CNOT4: variants seen among roughly 807,000 people sequenced by gnomAD.
CNOT4 encodes the protein CCR4-associated factor 4.
Under a neutral mutation model 73.8 loss-of-function variants are expected in CNOT4, and 8 were observed. The ratio of observed to expected loss-of-function variants is 0.11; its 90% CI spans 0.06 to 0.20. CNOT4 has a LOEUF of 0.20. CNOT4 is among the 10% of genes least tolerant of loss of function. The pLI, the probability that CNOT4 is intolerant of heterozygous loss-of-function variation, is 1.00. For synonymous variants in CNOT4, 293 were observed against 321.1 expected (o/e 0.91, Z 0.94); for missense variants, 564 against 883.4 (o/e 0.64, Z 4.58).
In CNOT4 at chr7:135,410,539, A is replaced by G. The variant is rs200574367; in HGVS notation, c.797T>C (p.Val266Ala). Residue 266 changes from valine to alanine, a missense_variant, in exon 7 of 12, where the codon GTG (valine) becomes GCG (alanine). Around this residue, in one of 10 missense-constraint regions of CNOT4, gnomAD observed 135 missense variants for 154.0 expected, o/e 0.88. Transcript: ENST00000541284. ...TGSVDKNKNK[V>A]TPLQRYDTPI... ...CGTATCGTACCTCTGCAGTGGTGTCACTTTGTTCTTATTTTTATCAACTGA... is the reference window on the plus strand; with the variant it reads ...CGTATCGTACCTCTGCAGTGGTGTCGCTTTGTTCTTATTTTTATCAACTGA... The G allele has an allele frequency of 6.4e-7, 1 of 1,554,214 alleles. No individual in the cohort carries two copies. The highest frequency in any genetic ancestry group is 1.9e-5 in the Admixed American group (1 of 53,732).
intron 1 of CNOT4, among the ~76,000 whole-genome samples, chr7:135,494,675 A>G (rs868271358): frequency 6.6e-6 from 1 of 152,222 alleles, no homozygotes; most frequent in South Asian, 2.1e-4. Context: ...AACAAACAGT[A>G]TATATATTAA....
intron 1 of CNOT4, among the ~76,000 whole-genome samples, chr7:135,504,652 A>C (rs547459941): frequency 8.6e-6 from 1 of 116,614 alleles, no homozygotes; most frequent in Non-Finnish European, 1.8e-5. Context: ...ACGCCCGGCT[A>C]ATTTTTTGTA....
chr7:135,491,343 A>G (rs1803097200), intron 1 of CNOT4, among the ~76,000 whole-genome samples: 1 of 152,228 alleles, frequency 6.6e-6, no homozygotes, highest in East Asian at 1.9e-4. Flanking sequence ...GGATATTCCA[A>G]TGTTTAGAGG....
chr7:135,407,344 T>C (rs928792553), intron 7 of CNOT4, among the ~76,000 whole-genome samples: 1 of 152,222 alleles, frequency 6.6e-6, no homozygotes, highest in Non-Finnish European at 1.5e-5. Context: ...AAAGATACTT[T>C]TGGTAAATTC....
intron 1 of CNOT4, among the ~76,000 whole-genome samples, chr7:135,468,420 C>G (rs1357755645): frequency 1.3e-5 from 2 of 152,098 alleles, no homozygotes; most frequent in African/African-American, 4.8e-5. Flanking sequence ...GTGGCTCACA[C>G]CTGTAGTCCG....
intron 3 of CNOT4, 88 bp from the exon 4 acceptor site, chr7:135,415,350 G>A (rs1797807132): frequency 1.6e-6 from 1 of 636,962 alleles, no homozygotes; most frequent in African/African-American, 1.9e-5. Flanking sequence ...TCCCTCTTCA[G>A]CAAAAGGAAA....
chr7:135,417,931 T>C (rs950918442), intron 3 of CNOT4, among the ~76,000 whole-genome samples: 4 of 152,198 alleles, frequency 2.6e-5, no homozygotes, highest in African/African-American at 9.6e-5. Context: ...TGGAATGCTA[T>C]CCCTTGTGCC....
rs71174519 is a variant in CNOT4 at position 135,396,107 on chromosome 7, C to CTT, written c.880-226_880-225dup. On this transcript the variant is annotated intron_variant, in intron 8 of 11. Transcript: ENST00000541284. ...GCTTGAAAAGATTAAACTAGTCTCC[C>CTT]TTTTTTTTTTTTTTTTTTTTTTTTT... is the stretch of plus-strand genomic sequence containing the variant. Among the ~76,000 whole-genome samples the CTT allele has an allele frequency of 2.3e-3, 222 of 95,422 alleles. 19 individuals are homozygous for CTT. Among genetic ancestry groups the CTT allele is most frequent in the African/African-American group, 4.6e-3 (100 of 21,826 alleles). 62.6% of individuals were successfully genotyped at this position (95,422 alleles called of 152,430 possible).
chr7:135,365,448 T>C (rs1457135899), intron 10 of CNOT4, among the ~76,000 whole-genome samples: 1 of 152,088 alleles, frequency 6.6e-6, no homozygotes, highest in Non-Finnish European at 1.5e-5. Flanking sequence ...TACAAGGCAC[T>C]CTCATAGTCA....
intron 1 of CNOT4, among the ~76,000 whole-genome samples, chr7:135,453,014 G>C (rs1481277862): frequency 6.6e-6 from 1 of 152,136 alleles, no homozygotes; most frequent in Admixed American, 6.5e-5. Context: ...GAAAAATACA[G>C]TTTTATTTGG....
At chr7:135,498,846 G>A (rs1451673318) in intron 1 of CNOT4, among the ~76,000 whole-genome samples, 1 of 152,038 alleles carries the variant, frequency 6.6e-6, no homozygotes, top group East Asian at 1.9e-4. Context: ...TTACTTTTTG[G>A]AAGCAAAATT....
At chr7:135,491,085 T>G (rs1481237269) in intron 1 of CNOT4, among the ~76,000 whole-genome samples, 1 of 152,208 alleles carries the variant, frequency 6.6e-6, no homozygotes, top group Non-Finnish European at 1.5e-5. Flanking sequence ...AGGAAGGCTA[T>G]GTGGACAGAG....
intron 10 of CNOT4, among the ~76,000 whole-genome samples, chr7:135,373,616 C>T (rs773684740): frequency 3.3e-5 from 5 of 152,174 alleles, no homozygotes; most frequent in Non-Finnish European, 7.3e-5. Flanking sequence ...CTTGCTCTGT[C>T]ACCTAGGCTG....
intron 5 of CNOT4, 107 bp from the exon 6 acceptor site, chr7:135,413,720 C>A: frequency 9.8e-7 from 1 of 1,020,108 alleles, no homozygotes; most frequent in South Asian, 1.7e-5. Context: ...GAGGCACAAA[C>A]ATGACAAAAC....
chr7:135,440,256 G>A (rs1799397104), intron 1 of CNOT4, among the ~76,000 whole-genome samples: 1 of 144,396 alleles, frequency 6.9e-6, no homozygotes. Flanking sequence ...AAAATGATAA[G>A]CAGTTCACAG....
Position 135,362,766 on chromosome 7 carries a change from G to C in CNOT4, c.*119C>G, listed in dbSNP as rs777308554. On this transcript the variant is annotated 3_prime_UTR_variant, in exon 12 of 12. Coordinates refer to ENST00000541284, the MANE Select transcript of CNOT4 (RefSeq NM_001190850.2). The stretch of plus-strand genomic sequence containing the variant: ...TCTGGGGTTAGGGAGAAAAAAAATT[G>C]ATCAGGTACTGGATTCTTCAGAACA... 1 of 948,354 alleles carries C rather than the reference G, an allele frequency of 1.1e-6. No homozygotes were observed. Among genetic ancestry groups the C allele is most frequent in the Non-Finnish European group, 1.7e-6 (1 of 578,718 alleles). The allele number at this position is 948,354 out of a possible 1,614,324, so 58.7% of individuals were successfully genotyped here.
Position 135,398,246 on chromosome 7 carries a change from T to A in CNOT4, c.822-20A>T. ...ATGGGGCTATAAAAAGAAAACAAAT[T>A]GAATAAAATCAGAATATAGTCATTC... On this transcript the variant is annotated intron_variant, in intron 7 of 11. Transcript: ENST00000541284. The A allele has an allele frequency of 7.5e-7, 1 of 1,331,286 alleles. No homozygotes were observed. Among genetic ancestry groups the A allele is most frequent in the South Asian group, 1.2e-5 (1 of 83,174 alleles). The allele number at this position is 1,331,286 out of a possible 1,614,324, so 82.5% of individuals were successfully genotyped here. A position where few individuals can be genotyped will look rare whatever the true frequency, so the allele number is the denominator to read the frequency against.
At chr7:135,380,169 A>G (rs1225608857) in intron 10 of CNOT4, among the ~76,000 whole-genome samples, 10 of 152,078 alleles carry the variant, frequency 6.6e-5, no homozygotes, top group Non-Finnish European at 1.0e-4. Flanking sequence ...CTATCATTCT[A>G]TATGGTGTAA....
chr7:135,405,641 G>C (rs976356755), intron 7 of CNOT4, among the ~76,000 whole-genome samples: 1 of 152,212 alleles, frequency 6.6e-6, no homozygotes, highest in African/African-American at 2.4e-5. Flanking sequence ...ATATACTCTC[G>C]AATTCATAAT....
Sources: gnomAD v4.1 joint callset for allele counts (sites outside exome capture counted in the v4.1 genomes callset) on GRCh38, gnomAD v4.1.1 for gene constraint, gnomAD v4.1.1 regional missense constraint, MANE v1.5 for transcripts, NCBI Gene and HGNC (gene_info 2026-07-23, HGNC 2026-07-21) for gene names.